XKR9: variants seen among roughly 807,000 people sequenced by gnomAD.
XKR9 encodes the protein XK related 9, also known as XK-related protein 9.
XKR9 carries 32 observed loss-of-function variants against 32.0 expected under a neutral mutation model. The observed-to-expected ratio is 1.00, with a 90% CI of 0.76 to 1.34. XKR9 has a LOEUF of 1.34. Among genes scored for constraint, XKR9 ranks in the 40% most tolerant of loss-of-function variants. XKR9 has a pLI of 0.00. For missense variants in XKR9, 546 were observed against 429.7 expected, an observed-to-expected ratio of 1.27 and a Z score of -2.39; for synonymous variants, 168 against 143.4, an observed-to-expected ratio of 1.17 and a Z score of -1.22.
chr8:71,059,648 T>A, the XKR9 span, among the ~76,000 whole-genome samples: 1 of 152,174 alleles, frequency 6.6e-6, no homozygotes, highest in African/African-American at 2.4e-5. Context: ...ACATTAAAAC[T>A]GAAAGTCAGT....
downstream of XKR9, among the ~76,000 whole-genome samples, chr8:70,793,307 T>A (rs531158347): frequency 2.0e-5 from 3 of 152,020 alleles, no homozygotes; most frequent in Non-Finnish European, 4.4e-5. Flanking sequence ...TAAGAAGTGA[T>A]TGGGTCATGA....
At chr8:70,783,015 G>C (rs1400218723) in intron 2 of XKR9, among the ~76,000 whole-genome samples, 1 of 152,092 alleles carries the variant, frequency 6.6e-6, no homozygotes, top group Non-Finnish European at 1.5e-5. Flanking sequence ...CTTAATAGCT[G>C]TCCTAATTTA....
the XKR9 span, among the ~76,000 whole-genome samples, chr8:70,996,571 A>G: frequency 6.6e-6 from 1 of 152,234 alleles, no homozygotes; most frequent in East Asian, 1.9e-4. Flanking sequence ...ATATACAATG[A>G]TTAAAATTAG....
the XKR9 span, among the ~76,000 whole-genome samples, chr8:70,847,999 A>G: frequency 6.6e-6 from 1 of 152,092 alleles, no homozygotes; most frequent in African/African-American, 2.4e-5. Flanking sequence ...CCAAAACTGG[A>G]CAAGAACACA....
At chr8:71,041,382 A>G in the XKR9 span, among the ~76,000 whole-genome samples, 171 of 152,334 alleles carry the variant, frequency 1.1e-3, 1 homozygote, top group South Asian at 9.3e-3. Context: ...AATGCAGGCT[A>G]TGTTTAGATT....
chr8:70,804,063 C>T, the XKR9 span, among the ~76,000 whole-genome samples: 2 of 152,248 alleles, frequency 1.3e-5, no homozygotes, highest in Non-Finnish European at 2.9e-5. Flanking sequence ...CTCTAGCAAG[C>T]ATTGCCTGCC....
chr8:70,813,181 A>G, the XKR9 span, among the ~76,000 whole-genome samples: 1 of 152,232 alleles, frequency 6.6e-6, no homozygotes, highest in Admixed American at 6.5e-5. Context: ...TGACAAAAAC[A>G]AGCAATGGGG....
chr8:71,058,293 TAG>T, the XKR9 span, among the ~76,000 whole-genome samples: 2 of 152,136 alleles, frequency 1.3e-5, no homozygotes, highest in Non-Finnish European at 2.9e-5. Context: ...CAAGCAAGAT[TAG>T]AGTGTTGCAT....
the XKR9 span, among the ~76,000 whole-genome samples, chr8:70,976,102 G>A: frequency 6.6e-6 from 1 of 152,200 alleles, no homozygotes; most frequent in Non-Finnish European, 1.5e-5. Flanking sequence ...TGTATCCTGA[G>A]ACTTTGCTGA....
At chr8:70,997,396 C>G in the XKR9 span, among the ~76,000 whole-genome samples, 1 of 152,030 alleles carries the variant, frequency 6.6e-6, no homozygotes, top group Admixed American at 6.6e-5. Flanking sequence ...TCATGTTAAA[C>G]TTATATTAAA....
the XKR9 span, among the ~76,000 whole-genome samples, chr8:71,037,675 AGTTT>A: frequency 6.6e-6 from 1 of 152,218 alleles, no homozygotes; most frequent in African/African-American, 2.4e-5. Flanking sequence ...AGTTTTAGAG[AGTTT>A]GTTTGCCATA....
the XKR9 span, among the ~76,000 whole-genome samples, chr8:70,907,027 C>G: frequency 2.0e-5 from 3 of 152,164 alleles, no homozygotes; most frequent in Admixed American, 6.6e-5. Context: ...TTGCAGTTAA[C>G]ACCTTTCCTG....
the XKR9 span, among the ~76,000 whole-genome samples, chr8:70,831,902 G>T: frequency 6.6e-6 from 1 of 152,052 alleles, no homozygotes; most frequent in African/African-American, 2.4e-5. Context: ...TGCTTCCCTG[G>T]CAGGGATGAC....
At chr8:70,904,695 G>T in the XKR9 span, among the ~76,000 whole-genome samples, 30 of 152,258 alleles carry the variant, frequency 2.0e-4, no homozygotes, top group Non-Finnish European at 3.5e-4. Context: ...CCTGTTAGTT[G>T]ATGCAGCTTC....
the XKR9 span, among the ~76,000 whole-genome samples, chr8:70,865,153 T>G: frequency 5.9e-5 from 9 of 152,176 alleles, no homozygotes; most frequent in Non-Finnish European, 1.2e-4. Context: ...TTAGTTTATT[T>G]GCTAGTGAAG....
At chr8:70,814,345 T>C in the XKR9 span, among the ~76,000 whole-genome samples, 35 of 152,212 alleles carry the variant, frequency 2.3e-4, no homozygotes, top group African/African-American at 8.2e-4. Flanking sequence ...TAATGCTAAA[T>C]GATGAGTTAG....
chr8:70,986,879 C>T, the XKR9 span, among the ~76,000 whole-genome samples: 1 of 152,210 alleles, frequency 6.6e-6, no homozygotes, highest in Non-Finnish European at 1.5e-5. Flanking sequence ...ATTGGACTTA[C>T]AGTTCCACGT....
chr8:70,758,532 C>G (rs1024264123), intron 2 of XKR9, among the ~76,000 whole-genome samples: 1 of 152,080 alleles, frequency 6.6e-6, no homozygotes, highest in Non-Finnish European at 1.5e-5. Flanking sequence ...GTTTAGGCAC[C>G]CATTTAATAA....
the XKR9 span, among the ~76,000 whole-genome samples, chr8:70,998,842 C>T: frequency 1.3e-5 from 2 of 152,166 alleles, no homozygotes; most frequent in African/African-American, 2.4e-5. Context: ...GACCAGTCCC[C>T]GTGTTACACA....
Sources: gnomAD v4.1 joint callset for allele counts (sites outside exome capture counted in the v4.1 genomes callset) on GRCh38, gnomAD v4.1.1 for gene constraint, MANE v1.5 for transcripts, NCBI Gene and HGNC (gene_info 2026-07-23, HGNC 2026-07-21) for gene names.